FBXO28: variants seen among roughly 807,000 people sequenced by gnomAD.
The protein encoded by FBXO28 is F-box protein 28, also known as F-box only protein 28.
A neutral mutation model predicts 38.1 loss-of-function variants in FBXO28; 8 were observed. The observed-to-expected ratio is 0.21, with a 90% CI of 0.12 to 0.38. The LOEUF is 0.38. Ranked by LOEUF, FBXO28 falls within the 10% of genes least tolerant of loss-of-function variation. The probability of loss-of-function intolerance (pLI) is 1.00; values close to 1 mark genes in which losing one functional copy is unlikely to be tolerated. For synonymous variants in FBXO28, 168 were observed against 173.8 expected (o/e 0.97, Z 0.26); for missense variants, 345 against 460.6 (o/e 0.75, Z 2.30).
intron 3 of FBXO28, among the ~76,000 whole-genome samples, chr1:224,148,815 G>A (rs1657572652): frequency 6.6e-6 from 1 of 151,426 alleles, no homozygotes; most frequent in Admixed American, 6.6e-5. Flanking sequence ...TTAGCCAGGT[G>A]TACCTTCCTC....
chr1:224,118,897 CAAT>C (rs1052531788), intron 1 of FBXO28, among the ~76,000 whole-genome samples: 6 of 152,138 alleles, frequency 3.9e-5, no homozygotes, highest in South Asian at 2.1e-4. Context: ...GCTGTCAGAA[CAAT>C]AATGTCAGCA....
At chr1:224,125,140 G>T (rs1371779660) in intron 1 of FBXO28, among the ~76,000 whole-genome samples, 2 of 150,908 alleles carry the variant, frequency 1.3e-5, no homozygotes, top group African/African-American at 4.9e-5. Context: ...TTGAGAGGAG[G>T]TCTTGCTATG....
At chr1:224,152,028 T>G (rs1657660134) in intron 3 of FBXO28, among the ~76,000 whole-genome samples, 1 of 147,806 alleles carries the variant, frequency 6.8e-6, no homozygotes, top group South Asian at 2.2e-4. Flanking sequence ...GACAACACAG[T>G]GAGACTCCAT....
chr1:224,136,707 G>A (rs1178000282), intron 3 of FBXO28, among the ~76,000 whole-genome samples: 3 of 151,154 alleles, frequency 2.0e-5, no homozygotes, highest in African/African-American at 4.9e-5. Flanking sequence ...CAGCCTGGGC[G>A]ACAGAGCAAG....
chr1:224,154,362 A>T (rs942054538), intron 4 of FBXO28, among the ~76,000 whole-genome samples: 2 of 152,190 alleles, frequency 1.3e-5, no homozygotes, highest in Admixed American at 6.5e-5. Flanking sequence ...CTTCCATACC[A>T]TTGTAAAGTC....
Position 224,158,051 on chromosome 1 carries a change from A to C in FBXO28, c.*305A>C, listed in dbSNP as rs1321522862. 9.1e-7 allele frequency: 1 copy of C among 1,093,284 alleles called. No homozygotes were observed. Among genetic ancestry groups the C allele is most frequent in the Non-Finnish European group, 1.1e-6 (1 of 899,718 alleles). 67.7% of individuals were successfully genotyped at this position (1,093,284 alleles called of 1,614,324 possible). A position where few individuals can be genotyped will look rare whatever the true frequency, so the allele number is the denominator to read the frequency against. The stretch of plus-strand genomic sequence containing the variant: ...AGTTAATTTGTTTCTGCATATATGC[A>C]CATACATACGTAAGGATCTTAAACC... On this transcript the variant is annotated 3_prime_UTR_variant, in exon 5 of 5. Transcript: ENST00000366862.
In FBXO28 at chr1:224,139,764, G is replaced by GCATGCATGCATGCATGCATA. The variant is rs1386239166; in HGVS notation, c.516+5555_516+5556insGCATGCATGCATGCATACAT. ...GAAATAAATACATACATGCATGCAT[G>GCATGCATGCATGCATGCATA]CATACATACATACATACATACATAC... On this transcript the variant is annotated intron_variant, in intron 3 of 4. Transcript: ENST00000366862. Among the ~76,000 whole-genome samples the GCATGCATGCATGCATGCATA allele has an allele frequency of 4.4e-4, 64 of 146,046 alleles. 1 individual carries two copies. In the East Asian group the frequency reaches 5.4e-3, roughly 12 times the overall value.
intron 1 of FBXO28, among the ~76,000 whole-genome samples, chr1:224,127,313 G>A (rs2131308): frequency 0.016 from 2,415 of 152,038 alleles, 71 homozygotes; most frequent in African/African-American, 0.056. Context: ...CTAATGAAAC[G>A]TGCACTTGTG....
At chr1:224,143,077 G>A (rs1331211508) in intron 3 of FBXO28, among the ~76,000 whole-genome samples, 1 of 152,032 alleles carries the variant, frequency 6.6e-6, no homozygotes, top group Non-Finnish European at 1.5e-5. Context: ...CAAGCGTGCG[G>A]TGGTGCGGGC....
intron 3 of FBXO28, among the ~76,000 whole-genome samples, chr1:224,149,182 A>G (rs1360980722): frequency 2.0e-5 from 3 of 152,062 alleles, no homozygotes; most frequent in African/African-American, 4.8e-5. Flanking sequence ...TAAGTATTCT[A>G]TATTTTTACA....
chr1:224,117,992 A>ATTTATTT (rs1553287563), intron 1 of FBXO28, among the ~76,000 whole-genome samples: 1 of 85,550 alleles, frequency 1.2e-5, no homozygotes, highest in African/African-American at 3.1e-5. Flanking sequence ...CTTTTTAATT[A>ATTTATTT]ATTAATTAAT....
chr1:224,123,696 G>A (rs114671237), intron 1 of FBXO28, among the ~76,000 whole-genome samples: 2,067 of 152,070 alleles, frequency 0.014, 46 homozygotes, highest in African/African-American at 0.044. Flanking sequence ...AAAAAATGCC[G>A]CCAATTATAA....
intron 3 of FBXO28, among the ~76,000 whole-genome samples, chr1:224,136,101 G>GTTTTTTTTTTTTTTTTTTTTT (rs397982996): frequency 1.1e-4 from 8 of 75,114 alleles, no homozygotes; most frequent in African/African-American, 3.3e-4. Flanking sequence ...GTTGACTTCA[G>GTTTTTTTTTTTTTTTTTTTTT]TTTTTTTTTT....
At chr1:224,133,902 G>A (rs951044202) in intron 2 of FBXO28, among the ~76,000 whole-genome samples, 172 bp from the exon 3 acceptor site, 8 of 151,858 alleles carry the variant, frequency 5.3e-5, no homozygotes, top group Admixed American at 5.3e-4. Context: ...CTTTGGTAAC[G>A]ATTTCTAGGC....
At chr1:224,157,281 T>C (rs557030666) in intron 4 of FBXO28, 71 bp from the exon 5 acceptor site, 20 of 1,496,226 alleles carry the variant, frequency 1.3e-5, no homozygotes, top group Middle Eastern at 2.0e-4. Context: ...ATTCCATTTT[T>C]AAATAAGTGT....
chr1:224,154,192 A>G (rs1475162903), intron 4 of FBXO28, among the ~76,000 whole-genome samples: 1 of 152,212 alleles, frequency 6.6e-6, no homozygotes, highest in Non-Finnish European at 1.5e-5. Flanking sequence ...TGCTCAGAAC[A>G]CTTCCTTAGC....
In FBXO28 at chr1:224,136,101, G is replaced by GTTTTTTTTTTTTTTTTTTTTTTTTTTT. The variant is rs397982996; in HGVS notation, c.516+1909_516+1910insTTTTTTTTTTTTTTTTTTTTTTTTTTT. On this transcript the variant is annotated intron_variant, in intron 3 of 4. Transcript: ENST00000366862. ...TTTTGGAAACCATTTGTTGACTTCAGTTTTTTTTTTTTTTTTTTTTGAGAT... is the reference window on the plus strand; with the variant it reads ...TTTTGGAAACCATTTGTTGACTTCAGTTTTTTTTTTTTTTTTTTTTTTTTTTTTTTTTTTTTTTTTTTTTTTTGAGAT... Among the ~76,000 whole-genome samples, 2 of 75,130 alleles carry GTTTTTTTTTTTTTTTTTTTTTTTTTTT rather than the reference G, an allele frequency of 2.7e-5. 1 individual carries two copies. Among genetic ancestry groups the GTTTTTTTTTTTTTTTTTTTTTTTTTTT allele is most frequent in the African/African-American group, 1.1e-4 (2 of 17,990 alleles). The allele number at this position is 75,130 out of a possible 152,430, so 49.3% of individuals were successfully genotyped here. A position where few individuals can be genotyped will look rare whatever the true frequency, so the allele number is the denominator to read the frequency against.
rs1370742612 is a variant in FBXO28 at position 224,157,240 on chromosome 1, A to G, written c.713-112A>G. On this transcript the variant is annotated intron_variant, in intron 4 of 4. Transcript: ENST00000366862. The stretch of plus-strand genomic sequence containing the variant: ...ACTGACCAAATGGATTGCAAAGAAG[A>G]AGAAATTATCAGAAGTGACATAGTA... 6.8e-6 allele frequency: 9 copies of G among 1,317,878 alleles called. No individual in the cohort carries two copies. In the Admixed American group the frequency reaches 2.2e-4, roughly 33 times the overall value. 81.6% of individuals were successfully genotyped at this position (1,317,878 alleles called of 1,614,324 possible).
intron 1 of FBXO28, among the ~76,000 whole-genome samples, chr1:224,121,635 G>C (rs891179869): frequency 6.6e-6 from 1 of 152,050 alleles, no homozygotes; most frequent in Admixed American, 6.5e-5. Context: ...GATTGCAGAC[G>C]TGAGCCACCA....
Sources: allele counts gnomAD v4.1 joint callset (sites outside exome capture counted in the v4.1 genomes callset), GRCh38; gene constraint gnomAD v4.1.1; transcripts MANE v1.5; gene names NCBI Gene and HGNC (gene_info 2026-07-23, HGNC 2026-07-21).